COPB2: variants seen among roughly 807,000 people sequenced by gnomAD.
The protein encoded by COPB2 is coatomer subunit beta'.
In COPB2, 16 loss-of-function variants were observed where a neutral mutation model predicts 120.8. That is an observed-to-expected ratio of 0.13 (90% CI 0.09 to 0.20). The LOEUF is 0.20. Among genes scored for constraint, COPB2 ranks in the 10% least tolerant of loss-of-function variants. The pLI, the probability that COPB2 is intolerant of heterozygous loss-of-function variation, is 1.00. For synonymous variants in COPB2, 332 were observed against 366.3 expected (o/e 0.91, Z 1.07); for missense variants, 794 against 1,076.5 (o/e 0.74, Z 3.67).
intron 2 of COPB2, chr3:139,382,496 T>C (rs1282578067): frequency 2.0e-5 from 3 of 152,256 alleles, no homozygotes; most frequent in Non-Finnish European, 4.4e-5. Context: ...ATACAGGGTA[T>C]GAGTTTAGTG....
In COPB2 at chr3:139,357,842, G is replaced by A. The variant is rs764558644; in HGVS notation, c.*21C>T. 2.2e-6 allele frequency: 3 copies of A among 1,345,526 alleles called. No homozygotes were observed. The highest frequency in any genetic ancestry group is 2.9e-5 in the African/African-American group (2 of 69,572). The allele number at this position is 1,345,526 out of a possible 1,614,324, so 83.3% of individuals were successfully genotyped here. The stretch of plus-strand genomic sequence containing the variant: ...TATATAATAATGATCTGTTTAGTCA[G>A]GTAAATGGAAAGCATTACAGTCAAT... On this transcript the variant is annotated 3_prime_UTR_variant, in exon 22 of 22. Transcript: ENST00000333188.
At chr3:139,384,275 A>C (rs1941871520) in intron 1 of COPB2, among the ~76,000 whole-genome samples, 1 of 152,206 alleles carries the variant, frequency 6.6e-6, no homozygotes, top group South Asian at 2.1e-4. Flanking sequence ...ATGCTGGTCC[A>C]CTGAATTATG....
Position 139,379,429 on chromosome 3 carries a change from A to G in COPB2, c.179T>C (p.Val60Ala), listed in dbSNP as rs1375117702. 1 of 1,614,124 alleles carries G rather than the reference A, an allele frequency of 6.2e-7. No individual in the cohort carries two copies. Among genetic ancestry groups the G allele is most frequent in the Admixed American group, 1.7e-5 (1 of 60,024 alleles). Residue 60 changes from valine (V) to alanine (A), a missense_variant, in exon 3 of 22, where the codon GTT becomes GCT. By Grantham distance (64) the Val-to-Ala change is moderately conservative (BLOSUM62 0). Coordinates refer to ENST00000333188, the MANE Select transcript of COPB2 (RefSeq NM_004766.3). ...VKTFEVCDLP[V>A]RAAKFVARKN... ...CCTTGCAACAAACTTTGCAGCTCGA[A>G]CAGGAAGATCACATACTTCAAATGT...
At chr3:139,369,127 C>T in intron 12 of COPB2, 134 bp downstream of exon 12, 1 of 583,108 alleles carries the variant, frequency 1.7e-6, no homozygotes, top group African/African-American at 1.9e-5. Context: ...ATTCTAAGTG[C>T]TGTTTTATAT....
At position 139,389,565 on chromosome 3, in the gene COPB2, A is replaced by T. The variant is rs762227255; in HGVS notation, c.-15T>A. 1.3e-6 allele frequency: 2 copies of T among 1,574,634 alleles called. No individual in the cohort carries two copies. ...GGACCTACCATGGCTGCGTCGGTCC[A>T]ATCCCGGGAACCCTCGTTTGTTACC... On this transcript the variant is annotated 5_prime_UTR_variant, in exon 1 of 22. Coordinates refer to ENST00000333188, the MANE Select transcript of COPB2 (RefSeq NM_004766.3).
intron 10 of COPB2, among the ~76,000 whole-genome samples, chr3:139,370,938 G>A (rs1183450030): frequency 6.6e-6 from 1 of 152,162 alleles, no homozygotes; most frequent in Non-Finnish European, 1.5e-5. Flanking sequence ...AAATCTTACT[G>A]TTGTAACATT....
chr3:139,370,467 G>A (rs1268088849), intron 10 of COPB2, among the ~76,000 whole-genome samples: 7 of 152,188 alleles, frequency 4.6e-5, no homozygotes. Flanking sequence ...TTGACTGTGG[G>A]TAACTAAAAC....
At chr3:139,388,453 T>A (rs745908650) in intron 1 of COPB2, 2 of 151,012 alleles carry the variant, frequency 1.3e-5, no homozygotes, top group Non-Finnish European at 2.9e-5. Context: ...TGCAAAAATG[T>A]TTGTTTCTCT....
chr3:139,367,908 A>G (rs1348969980), intron 13 of COPB2, among the ~76,000 whole-genome samples: 2 of 152,254 alleles, frequency 1.3e-5, no homozygotes, highest in East Asian at 3.8e-4. Flanking sequence ...ACTGAAAGAT[A>G]TCAAAGTAAG....
intron 1 of COPB2, among the ~76,000 whole-genome samples, chr3:139,385,583 G>A (rs968147717): frequency 6.6e-6 from 1 of 152,140 alleles, no homozygotes; most frequent in Non-Finnish European, 1.5e-5. Flanking sequence ...GGGAATGTCT[G>A]AAATATTTTA....
chr3:139,373,480 A>G, intron 8 of COPB2, 68 bp from the exon 9 acceptor site: 1 of 1,567,464 alleles, frequency 6.4e-7, no homozygotes. Context: ...AAAACAGATT[A>G]TTTTTTTCAC....
Position 139,359,171 on chromosome 3 carries a change from T to C in COPB2, c.2311A>G (p.Lys771Glu), listed in dbSNP as rs1941360543. ...YLPSQVSRVV[K>E]LWRENLSKVN... Reference sequence around the variant, plus strand: ...TTTGAGAGATTCTCTCTCCAGAGTTTCACTACCCTATTATAGACATCATGG... The same window carrying C: ...TTTGAGAGATTCTCTCTCCAGAGTTCCACTACCCTATTATAGACATCATGG... Residue 771 changes from lysine (K) to glutamate (E), a missense_variant, in exon 19 of 22, where the codon AAA becomes GAA. By Grantham distance (56) the Lys-to-Glu change is moderately conservative (BLOSUM62 1). Around this residue, in one of 3 missense-constraint regions of COPB2, gnomAD observed 178 missense variants for 183.2 expected, o/e 0.97. Coordinates refer to ENST00000333188, the MANE Select transcript of COPB2 (RefSeq NM_004766.3). The C allele has an allele frequency of 6.2e-7, 1 of 1,613,432 alleles. No individual in the cohort carries two copies.
In COPB2 at chr3:139,378,250, C is replaced by T. The variant is rs112186932; in HGVS notation, c.356-61G>A. The T allele has an allele frequency of 4.1e-6, 6 of 1,446,380 alleles. No individual in the cohort carries two copies. In the South Asian group the frequency reaches 9.3e-5, roughly 22 times the overall value. 89.6% of individuals were successfully genotyped at this position (1,446,380 alleles called of 1,614,324 possible). ...CTATTTTTTCACTTCATAACTAAGA[C>T]ACAGTCTTTAGAAGAAGCAAACCTA... is the stretch of plus-strand genomic sequence containing the variant. On this transcript the variant is annotated intron_variant, in intron 4 of 21. Transcript: ENST00000333188.
At position 139,375,573 on chromosome 3, in the gene COPB2, T is replaced by C; in HGVS notation, c.546A>G (p.Glu182=). ...LGSSSPNFTL[E]GHEKGVNCID... ...TGCAATTCACGCCTTTCTCATGTCC[T>C]TCCAAAGTGAAGTTTGGTGACGAAG... Residue 182 remains glutamate, a synonymous_variant, in exon 6 of 22, where the codon GAA becomes GAG. Coordinates refer to ENST00000333188, the MANE Select transcript of COPB2 (RefSeq NM_004766.3). 1 of 1,614,100 alleles carries C rather than the reference T, an allele frequency of 6.2e-7. No individual in the cohort carries two copies. Among genetic ancestry groups the C allele is most frequent in the African/African-American group, 1.3e-5 (1 of 75,044 alleles).
intron 1 of COPB2, 141 bp from the exon 2 acceptor site, chr3:139,383,576 G>T: frequency 1.4e-6 from 1 of 730,130 alleles, no homozygotes; most frequent in Non-Finnish European, 2.1e-6. Context: ...TCAAGTCTAA[G>T]CACTTATTTC....
At chr3:139,367,766 C>T (rs1316364997) in intron 13 of COPB2, among the ~76,000 whole-genome samples, 1 of 152,156 alleles carries the variant, frequency 6.6e-6, no homozygotes, top group Non-Finnish European at 1.5e-5. Context: ...TTAGACCCTT[C>T]ATAACATGAC....
chr3:139,376,432 G>A (rs1941713931), intron 5 of COPB2, among the ~76,000 whole-genome samples: 1 of 152,092 alleles, frequency 6.6e-6, no homozygotes, highest in South Asian at 2.1e-4. Context: ...GAGTATAAAC[G>A]TGTAACAAAT....
intron 20 of COPB2, 36 bp downstream of exon 20, chr3:139,358,708 C>A: frequency 6.8e-7 from 1 of 1,464,730 alleles, no homozygotes; most frequent in Non-Finnish European, 9.5e-7. Context: ...AGTGAACCAT[C>A]TCAGCCAAAT....
chr3:139,371,502 G>GT (rs1303184824), intron 10 of COPB2, among the ~76,000 whole-genome samples: 4 of 152,210 alleles, frequency 2.6e-5, no homozygotes, highest in African/African-American at 9.7e-5. Flanking sequence ...TGGAATTATT[G>GT]TATCAGCTTG....
Sources: gnomAD v4.1 joint callset for allele counts (sites outside exome capture counted in the v4.1 genomes callset) on GRCh38, gnomAD v4.1.1 for gene constraint, gnomAD v4.1.1 regional missense constraint, MANE v1.5 for transcripts, NCBI Gene and HGNC (gene_info 2026-07-23, HGNC 2026-07-21) for gene names.